Variants in GAS6 observed in about 807,000 individuals in gnomAD.
The protein encoded by GAS6 is growth arrest specific 6, also known as growth arrest-specific protein 6.
A neutral mutation model predicts 75.8 loss-of-function variants in GAS6; 41 were observed. The observed-to-expected ratio is 0.54, with a 90% CI of 0.42 to 0.70. GAS6 has a LOEUF of 0.70. GAS6 is among the 30% of genes least tolerant of loss of function. The pLI is 0.00. For synonymous variants in GAS6, 432 were observed against 412.6 expected, an observed-to-expected ratio of 1.05 and a Z score of -0.57; for missense variants, 854 against 940.2, an observed-to-expected ratio of 0.91 and a Z score of 1.20.
At chr13:113,852,987 C>CG (rs377116631) in intron 2 of GAS6, among the ~76,000 whole-genome samples, 3 of 152,240 alleles carry the variant, frequency 2.0e-5, no homozygotes, top group African/African-American at 4.8e-5. Context: ...TCCAAGGGGC[C>CG]GGGGGGACTC....
rs1283049196 is a variant in GAS6, at chr13:113,843,612, T to G, written c.343+2915A>C. 2.0e-5 allele frequency: 3 copies of G among 151,098 alleles called. No homozygotes were observed. In the East Asian group the frequency reaches 5.8e-4, roughly 29 times the overall value. 9.4% of individuals were successfully genotyped at this position (151,098 alleles called of 1,614,324 possible). On this transcript the variant is annotated intron_variant, in intron 4 of 14. Transcript: ENST00000327773. ...GCGCGTTCGCAGTGGAGAAGCTGGG[T>G]GTGTCCGTGGGAAAGGAAAGAAATG...
At chr13:113,835,162 C>G (rs2138636361) in intron 7 of GAS6, among the ~76,000 whole-genome samples, 1 of 152,390 alleles carries the variant, frequency 6.6e-6, no homozygotes, top group South Asian at 2.1e-4. Flanking sequence ...CAGGGCCCTC[C>G]CCATGGCGGC....
At chr13:113,826,421 G>GCCGGC (rs1566354473) in intron 12 of GAS6, among the ~76,000 whole-genome samples, 8 of 74,820 alleles carry the variant, frequency 1.1e-4, no homozygotes, top group East Asian at 9.9e-4. Context: ...GCCTCCCGGC[G>GCCGGC]CTGGCCTCGC....
intron 2 of GAS6, among the ~76,000 whole-genome samples, chr13:113,856,127 C>A (rs1227255798): frequency 6.6e-6 from 1 of 152,230 alleles, no homozygotes; most frequent in African/African-American, 2.4e-5. Context: ...ACCTGGCAGA[C>A]CATGTTCACG....
chr13:113,839,394 AT>A (rs2051751451), intron 5 of GAS6: 1 of 243,758 alleles, frequency 4.1e-6, no homozygotes, highest in African/African-American at 2.7e-5. Context: ...CAGAGGTGAA[AT>A]TTCCCCCCCG....
intron 2 of GAS6, among the ~76,000 whole-genome samples, chr13:113,850,441 G>C (rs547712892): frequency 1.4e-4 from 21 of 152,286 alleles, no homozygotes; most frequent in African/African-American, 4.8e-4. Flanking sequence ...TTAGGTGAGG[G>C]CAACAGGGGG....
chr13:113,858,940 T>C (rs370480112), intron 2 of GAS6, among the ~76,000 whole-genome samples: 4 of 151,522 alleles, frequency 2.6e-5, no homozygotes, highest in East Asian at 3.9e-4. Context: ...TGTGTGCGTG[T>C]CATGCATGTG....
chr13:113,821,090 G>A (rs1195498651), intron 14 of GAS6, 72 bp from the exon 15 acceptor site: 17 of 1,535,626 alleles, frequency 1.1e-5, no homozygotes, highest in East Asian at 7.0e-5. Context: ...CCCCACCCCC[G>A]GCAGCGCTTG....
intron 2 of GAS6, among the ~76,000 whole-genome samples, chr13:113,851,095 G>A (rs1182247644): frequency 6.6e-6 from 1 of 151,476 alleles, no homozygotes; most frequent in East Asian, 1.9e-4. Context: ...GGATGAGTGG[G>A]TGGATGAAAG....
Position 113,844,596 on chromosome 13 carries a change from T to C in GAS6, c.343+1931A>G, listed in dbSNP as rs2051819083. 1 of 150,598 alleles carries C rather than the reference T, an allele frequency of 6.6e-6. No individual in the cohort carries two copies. The highest frequency in any genetic ancestry group is 6.6e-5 in the Admixed American group (1 of 15,238). The allele number at this position is 150,598 out of a possible 1,614,324, so 9.3% of individuals were successfully genotyped here. A position where few individuals can be genotyped will look rare whatever the true frequency, so the allele number is the denominator to read the frequency against. Reference sequence around the variant, plus strand: ...GTTAAAAATATCTAAAGGGCTTTTTTAGGTTTTTAAGAATATTTTTAAGGT... The same window carrying C: ...GTTAAAAATATCTAAAGGGCTTTTTCAGGTTTTTAAGAATATTTTTAAGGT... On this transcript the variant is annotated intron_variant, in intron 4 of 14. Transcript: ENST00000327773. The surrounding 1 kb of genome is among the most constrained non-coding windows in gnomAD (Gnocchi z 5.7).
intron 2 of GAS6, among the ~76,000 whole-genome samples, chr13:113,859,491 CAT>C (rs1431485312): frequency 2.0e-5 from 3 of 149,570 alleles, no homozygotes; most frequent in Non-Finnish European, 4.4e-5. Flanking sequence ...TGTATGTGTA[CAT>C]GTCTGTTAGT....
chr13:113,858,797 G>C (rs1268962291), intron 2 of GAS6, among the ~76,000 whole-genome samples: 1 of 149,494 alleles, frequency 6.7e-6, no homozygotes, highest in African/African-American at 2.5e-5. Context: ...GTCTGTGACT[G>C]TATGTATGTC....
rs2051660434 is a variant in GAS6 at position 113,833,750 on chromosome 13, TG to T, written c.834+800del. ...TGTGACAGGTCGGTGTGACAGGTACTGTTGTGACAGGTCGGTGTGAGACACT... is the reference window on the plus strand; with the variant it reads ...TGTGACAGGTCGGTGTGACAGGTACTTTGTGACAGGTCGGTGTGAGACACT... On this transcript the variant is annotated intron_variant, in intron 8 of 14. Coordinates refer to ENST00000327773, the MANE Select transcript of GAS6 (RefSeq NM_000820.4). The T allele has an allele frequency of 9.2e-6, 9 of 981,050 alleles. No homozygotes were observed. The South Asian group carries it at 3.7e-4, about 40-fold the overall frequency. The allele number at this position is 981,050 out of a possible 1,614,324, so 60.8% of individuals were successfully genotyped here.
chr13:113,832,934 A>G, intron 8 of GAS6, 182 bp from the exon 9 acceptor site: 1 of 1,481,566 alleles, frequency 6.7e-7, no homozygotes, highest in Non-Finnish European at 9.0e-7. Context: ...TCCCAGGTGA[A>G]GGGCGGGCTT....
chr13:113,825,805 G>A (rs955889569), intron 12 of GAS6, among the ~76,000 whole-genome samples: 3 of 146,290 alleles, frequency 2.1e-5, no homozygotes, highest in Admixed American at 1.3e-4. Context: ...ACACGGTCAC[G>A]CTTTTGACAC....
intron 4 of GAS6, 148 bp from the exon 5 acceptor site, chr13:113,839,998 A>G: frequency 8.6e-7 from 1 of 1,165,692 alleles, no homozygotes; most frequent in Non-Finnish European, 1.2e-6. Flanking sequence ...TGGGCACCCG[A>G]GCCCTCTGTG....
At chr13:113,832,572 C>T (rs953248692) in intron 9 of GAS6, 62 bp downstream of exon 9, 1 of 1,605,092 alleles carries the variant, frequency 6.2e-7, no homozygotes, top group Admixed American at 1.7e-5. Context: ...CTGGCCCGGG[C>T]CCTGTGAAGC....
chr13:113,850,746 G>A lies in GAS6; in HGVS notation c.256-2696C>T, dbSNP rs149959122. ...AAAGAATGGATGGGTGAATAAATGA[G>A]TGGATGGGCAGATGGATGCATGAAT... On this transcript the variant is annotated intron_variant, in intron 2 of 14. Transcript: ENST00000327773. Among the ~76,000 whole-genome samples, 29 of 152,352 alleles carry A rather than the reference G, an allele frequency of 1.9e-4. No individual in the cohort carries two copies. In the East Asian group the frequency reaches 4.8e-3, roughly 25 times the overall value.
At chr13:113,851,139 AGATG>A (rs375446506) in intron 2 of GAS6, among the ~76,000 whole-genome samples, 25 of 151,948 alleles carry the variant, frequency 1.6e-4, no homozygotes, top group African/African-American at 5.6e-4. Context: ...AAATGAATGG[AGATG>A]GATGGATAAA....
Sources: allele counts gnomAD v4.1 joint callset (sites outside exome capture counted in the v4.1 genomes callset), GRCh38; gene constraint gnomAD v4.1.1; non-coding constraint Gnocchi (gnomAD v3.1); transcripts MANE v1.5; gene names NCBI Gene and HGNC (gene_info 2026-07-23, HGNC 2026-07-21).